Variants in ERN1 observed in about 807,000 individuals in gnomAD.
The protein encoded by ERN1 is serine/threonine-protein kinase/endoribonuclease IRE1.
Under a neutral mutation model 113.1 loss-of-function variants are expected in ERN1, and 39 were observed. The ratio of observed to expected loss-of-function variants is 0.34; its 90% CI spans 0.27 to 0.45. The LOEUF is 0.45. ERN1 is among the 20% of genes least tolerant of loss of function. The pLI is 1.00. For synonymous variants in ERN1, 507 were observed against 515.9 expected, an observed-to-expected ratio of 0.98 and a Z score of 0.23; for missense variants, 976 against 1,274.8, an observed-to-expected ratio of 0.77 and a Z score of 3.57.
rs1912458598 is a variant in ERN1 at position 64,044,736 on chromosome 17, C to T, written c.2721+124G>A. On this transcript the variant is annotated intron_variant, in intron 21 of 21. Coordinates refer to ENST00000433197, the MANE Select transcript of ERN1 (RefSeq NM_001433.5). The surrounding 1 kb of genome is among the most constrained non-coding windows in gnomAD (Gnocchi z 4.1). ...GCAGTTTGCCAAGTCCAGCTGAAGC[C>T]GCCTAGCTCCTGAGAGATGAGAATG... is the stretch of plus-strand genomic sequence containing the variant. The T allele has an allele frequency of 1.0e-5, 7 of 696,024 alleles. No individual in the cohort carries two copies. The highest frequency in any genetic ancestry group is 2.7e-5 in the Admixed American group (1 of 36,780). The allele number at this position is 696,024 out of a possible 1,614,324, so 43.1% of individuals were successfully genotyped here.
Position 64,072,084 on chromosome 17 carries a change from C to G in ERN1, c.375G>C (p.Trp125Cys). The change falls in exon 6 of 22, where the codon TGG (tryptophan) becomes TGC (cysteine). Residue 125 changes from tryptophan to cysteine, a missense_variant. Transcript: ENST00000433197. ...ILYMGKKQDI[W>C]YVIDLLTGEK... Reference sequence around the variant, plus strand: ...CTCCGGTCAGGAGGTCAATAACATACCAGATGTCCTGCTTTTTACCTGAAA... The same window carrying G: ...CTCCGGTCAGGAGGTCAATAACATAGCAGATGTCCTGCTTTTTACCTGAAA... The G allele has an allele frequency of 1.2e-6, 2 of 1,613,050 alleles. No individual in the cohort carries two copies. Among genetic ancestry groups the G allele is most frequent in the Non-Finnish European group, 1.7e-6 (2 of 1,179,480 alleles).
chr17:64,066,625 C>T (rs1057350798), intron 8 of ERN1, 46 bp downstream of exon 8: 4 of 1,603,916 alleles, frequency 2.5e-6, no homozygotes, highest in East Asian at 4.5e-5. Flanking sequence ...AGCACCAGAA[C>T]ACGAAGGCCA....
Position 64,047,852 on chromosome 17 carries a change from C to T in ERN1, c.2529+6G>A, listed in dbSNP as rs774429647. On this transcript the variant is annotated splice_donor_region_variant and intron_variant, in intron 19 of 21. Coordinates refer to ENST00000433197, the MANE Select transcript of ERN1 (RefSeq NM_001433.5). Reference sequence around the variant, plus strand: ...GACTCTGGATAAAGAGAACAGACGTCTCTACCTGGAAGAACTGGAGCTGCT... The same window carrying T: ...GACTCTGGATAAAGAGAACAGACGTTTCTACCTGGAAGAACTGGAGCTGCT... The T allele has an allele frequency of 3.7e-6, 6 of 1,603,452 alleles. No individual in the cohort carries two copies. The highest frequency in any genetic ancestry group is 1.3e-5 in the African/African-American group (1 of 74,504).
At chr17:64,087,197 G>A (rs1388140747) in intron 2 of ERN1, among the ~76,000 whole-genome samples, 5 of 152,076 alleles carry the variant, frequency 3.3e-5, no homozygotes, top group East Asian at 1.9e-4. Context: ...ACACTGCTCC[G>A]AATCCTCTGT....
At chr17:64,082,503 A>G (rs1391645616) in intron 2 of ERN1, among the ~76,000 whole-genome samples, 1 of 152,230 alleles carries the variant, frequency 6.6e-6, no homozygotes, top group Non-Finnish European at 1.5e-5. Context: ...GTAAAATGGC[A>G]TCTTTTTTGT....
chr17:64,045,769 C>T (rs546434747), intron 19 of ERN1, among the ~76,000 whole-genome samples: 2 of 152,306 alleles, frequency 1.3e-5, no homozygotes, highest in South Asian at 2.1e-4. Flanking sequence ...TGCACACACA[C>T]GCCATGTGTA....
intron 10 of ERN1, among the ~76,000 whole-genome samples, chr17:64,061,639 G>A (rs913851491): frequency 6.6e-6 from 1 of 152,220 alleles, no homozygotes; most frequent in African/African-American, 2.4e-5. Context: ...AGTTTCTCTT[G>A]TGTACCAAGG....
In ERN1 at chr17:64,044,197, G is replaced by C; in HGVS notation, c.2725C>G (p.His909Asp). The change falls in exon 22 of 22, where the codon CAC becomes GAC. Residue 909 changes from histidine to aspartate, a missense_variant. Around this residue, in one of 5 missense-constraint regions of ERN1, gnomAD observed 297 missense variants for 457.8 expected, o/e 0.65. Transcript: ENST00000433197. The surrounding 1 kb of genome is among the most constrained non-coding windows in gnomAD (Gnocchi z 4.1). ...DLLRAMRNKK[H>D]HYRELPAEVR... is the part of the protein sequence containing the mutation. ...TCTGCAGGCAGCTCCCGGTAGTGGT[G>C]CTTCTGCAAAGAGTTAGAAAGCTCG... 6.5e-7 allele frequency: 1 copy of C among 1,533,122 alleles called. No homozygotes were observed. The highest frequency in any genetic ancestry group is 8.8e-7 in the Non-Finnish European group (1 of 1,136,132). The allele number at this position is 1,533,122 out of a possible 1,614,324, so 95.0% of individuals were successfully genotyped here.
rs751229034 is a variant in ERN1 at position 64,054,815 on chromosome 17, G to A, written c.1686C>T (p.Ser562=). The A allele has an allele frequency of 6.2e-6, 10 of 1,607,794 alleles. No individual in the cohort carries two copies. Among genetic ancestry groups the A allele is most frequent in the South Asian group, 1.1e-5 (1 of 89,408 alleles). Residue 562 remains serine, a synonymous_variant, in exon 14 of 22, where the codon AGC becomes AGT. Coordinates refer to ENST00000433197, the MANE Select transcript of ERN1 (RefSeq NM_001433.5). The surrounding 1 kb of genome is among the most constrained non-coding windows in gnomAD (Gnocchi z 4.9). ...AGGAAATTTTCCCAACTATCACCAC[G>A]CTGGTTTCCTCATCTGGGACAAAAT... ...LEQDDGDEET[S]VVIVGKISFC...
At chr17:64,129,783 C>A (rs1476483404) in intron 1 of ERN1, 193 bp downstream of exon 1, 2 of 444,108 alleles carry the variant, frequency 4.5e-6, no homozygotes, top group Non-Finnish European at 7.4e-6. Context: ...CCGCGACTCC[C>A]GTCAGGGAAG....
At chr17:64,116,660 C>CACACACAA (rs1914812062) in intron 1 of ERN1, among the ~76,000 whole-genome samples, 1 of 151,738 alleles carries the variant, frequency 6.6e-6, no homozygotes, top group African/African-American at 2.4e-5. Flanking sequence ...AAATAACACA[C>CACACACAA]ACACACACAC....
In ERN1 at chr17:64,057,805, G is replaced by A. The variant is rs375031481; in HGVS notation, c.1395C>T (p.Pro465=). ...IGWVAFIITY[P]LSMHQQQQLQ... ...AAGGGGAATTGTTGAGCTTTACCAG[G>A]GGATAGGTGATGATGAAGGCCACCC... is the stretch of plus-strand genomic sequence containing the variant. Residue 465 remains proline (P), a synonymous_variant, in exon 12 of 22, where the codon CCC becomes CCT. Transcript: ENST00000433197. 4 of 1,613,336 alleles carry A rather than the reference G, an allele frequency of 2.5e-6. No individual in the cohort carries two copies. In the South Asian group the frequency reaches 4.4e-5, roughly 18 times the overall value.
At chr17:64,059,708 C>T (rs185995342) in intron 11 of ERN1, among the ~76,000 whole-genome samples, 8 of 152,214 alleles carry the variant, frequency 5.3e-5, no homozygotes, top group Non-Finnish European at 8.8e-5. Flanking sequence ...TTTCAGCTCC[C>T]GGTCTAGAGT....
intron 12 of ERN1, 69 bp downstream of exon 12, chr17:64,057,733 T>G (rs999823804): frequency 1.7e-5 from 24 of 1,415,858 alleles, no homozygotes; most frequent in Non-Finnish European, 2.4e-5. Flanking sequence ...TGGATCTCAC[T>G]GACATGAGGC....
Position 64,055,824 on chromosome 17 carries a change from C to A in ERN1, c.1523G>T (p.Gly508Val). The change falls in exon 13 of 22, where the codon GGC becomes GTC. Residue 508 changes from glycine (G) to valine (V), a missense_variant. Coordinates refer to ENST00000433197, the MANE Select transcript of ERN1 (RefSeq NM_001433.5). ...CGGGCCAGACGTGTCCAGGAGCTCG[C>A]CGTCCTGAGCCGTGTCTCCAGGTGG... Reference protein sequence around the residue: ...FHPPGDTAQDGELLDTSGPYS... With the variant: ...FHPPGDTAQDVELLDTSGPYS... 1 of 1,559,500 alleles carries A rather than the reference C, an allele frequency of 6.4e-7. No individual in the cohort carries two copies. Among genetic ancestry groups the A allele is most frequent in the Non-Finnish European group, 8.7e-7 (1 of 1,151,886 alleles).
intron 11 of ERN1, among the ~76,000 whole-genome samples, chr17:64,059,108 G>C (rs116433355): frequency 5.3e-5 from 8 of 152,210 alleles, no homozygotes; most frequent in African/African-American, 1.9e-4. Flanking sequence ...TTCTGTATGT[G>C]TTTATTTTCT....
chr17:64,121,830 G>C (rs774536948), intron 1 of ERN1, among the ~76,000 whole-genome samples: 2 of 152,176 alleles, frequency 1.3e-5, no homozygotes, highest in African/African-American at 2.4e-5. Context: ...TGCTGGATTT[G>C]ACTCTACAGT....
chr17:64,046,884 G>A (rs539201916), intron 19 of ERN1, among the ~76,000 whole-genome samples: 1 of 152,236 alleles, frequency 6.6e-6, no homozygotes, highest in Non-Finnish European at 1.5e-5. Context: ...TTCATACATG[G>A]AAGACTTTGA....
At position 64,116,172 on chromosome 17, in the gene ERN1, C is replaced by T. The variant is rs147394999; in HGVS notation, c.54+13804G>A. Among the ~76,000 whole-genome samples the T allele has an allele frequency of 4.6e-5, 7 of 152,254 alleles. No individual in the cohort carries two copies. In the East Asian group the frequency reaches 1.3e-3, roughly 29 times the overall value. On this transcript the variant is annotated intron_variant, in intron 1 of 21. Transcript: ENST00000433197. ...ACCAGGTGGCTGATTCCCAGGCACA[C>T]CTACCTACTATAGACTCTAAAAGCA... is the stretch of plus-strand genomic sequence containing the variant.
Sources: allele counts gnomAD v4.1 joint callset (sites outside exome capture counted in the v4.1 genomes callset), GRCh38; gene constraint gnomAD v4.1.1; regional missense constraint gnomAD v4.1.1; non-coding constraint Gnocchi (gnomAD v3.1); transcripts MANE v1.5; gene names NCBI Gene and HGNC (gene_info 2026-07-23, HGNC 2026-07-21).